OPCML: variants seen among roughly 807,000 people sequenced by gnomAD.
OPCML encodes the protein opioid binding protein/cell adhesion molecule like, also known as opioid-binding protein/cell adhesion molecule.
OPCML carries 13 observed loss-of-function variants against 37.8 expected under a neutral mutation model. The observed-to-expected ratio is 0.34, with a 90% CI of 0.22 to 0.55. The LOEUF (loss-of-function observed/expected upper bound fraction) is 0.55, where lower values mean the gene tolerates loss of function less well. OPCML is among the 20% of genes least tolerant of loss of function. The pLI is 0.91. For missense variants in OPCML, 341 were observed against 435.6 expected (o/e 0.78, Z 1.93); for synonymous variants, 176 against 168.8 (o/e 1.04, Z -0.33).
At chr11:133,339,538 G>A (rs1201397614) in intron 1 of OPCML, among the ~76,000 whole-genome samples, 1 of 152,110 alleles carries the variant, frequency 6.6e-6, no homozygotes, top group East Asian at 1.9e-4. Flanking sequence ...GCCTCATCAT[G>A]GTCTAGTAAA....
At chr11:133,245,040 G>A (rs1940870172) in intron 1 of OPCML, among the ~76,000 whole-genome samples, 1 of 152,184 alleles carries the variant, frequency 6.6e-6, no homozygotes. Flanking sequence ...GTTCCCAAAT[G>A]CCCATCTTCC....
chr11:133,461,005 A>C, intron 1 of OPCML, among the ~76,000 whole-genome samples: 1 of 151,932 alleles, frequency 6.6e-6, no homozygotes, highest in African/African-American at 2.4e-5. Flanking sequence ...ATTTCATTTG[A>C]GTCAGAAAAA....
chr11:133,223,821 A>C (rs1183357902), intron 1 of OPCML, among the ~76,000 whole-genome samples: 2 of 152,200 alleles, frequency 1.3e-5, no homozygotes, highest in Middle Eastern at 3.4e-3. Context: ...CGCTCTTGCC[A>C]TTTTATTTTT....
chr11:132,878,282 C>G (rs1943097357), intron 2 of OPCML, among the ~76,000 whole-genome samples: 1 of 152,140 alleles, frequency 6.6e-6, no homozygotes, highest in African/African-American at 2.4e-5. Flanking sequence ...GGGTGCTTAG[C>G]TATCTGGTTA....
chr11:133,224,180 C>G (rs1939945860), intron 1 of OPCML, among the ~76,000 whole-genome samples: 1 of 152,160 alleles, frequency 6.6e-6, no homozygotes, highest in Non-Finnish European at 1.5e-5. Context: ...CCATTAGTCC[C>G]CGAGCCAAAA....
At chr11:133,350,751 G>A (rs1441077824) in intron 1 of OPCML, among the ~76,000 whole-genome samples, 2 of 152,174 alleles carry the variant, frequency 1.3e-5, no homozygotes, top group Non-Finnish European at 2.9e-5. Context: ...TTTCTTTAAT[G>A]ACAATTGAAT....
At chr11:133,004,593 C>A in intron 1 of OPCML, 10 of 985,464 alleles carry the variant, frequency 1.0e-5, no homozygotes, top group Non-Finnish European at 1.2e-5. Flanking sequence ...CTGCTCCATG[C>A]GAAGGGTCTG....
At chr11:133,203,501 G>A (rs935734754) in intron 1 of OPCML, among the ~76,000 whole-genome samples, 4 of 152,150 alleles carry the variant, frequency 2.6e-5, no homozygotes, top group Admixed American at 1.3e-4. Flanking sequence ...TGTTCGCCTC[G>A]GAGGCTTTTG....
chr11:133,530,394 C>T (rs1948581083), intron 1 of OPCML, among the ~76,000 whole-genome samples: 1 of 152,250 alleles, frequency 6.6e-6, no homozygotes, highest in East Asian at 1.9e-4. Flanking sequence ...CGCATCCATA[C>T]AGCCAGGATT....
intron 1 of OPCML, among the ~76,000 whole-genome samples, chr11:133,414,918 G>T (rs1199564103): frequency 1.3e-5 from 2 of 152,102 alleles, no homozygotes; most frequent in Non-Finnish European, 1.5e-5. Context: ...TCTGTTGCTA[G>T]GAGTGATCAG....
At chr11:132,609,901 T>C (rs776239334) in intron 3 of OPCML, among the ~76,000 whole-genome samples, 19 of 152,228 alleles carry the variant, frequency 1.2e-4, no homozygotes, top group Non-Finnish European at 4.4e-5. Context: ...CTTTAGTGAA[T>C]GAGAATAAAG....
At chr11:132,622,793 G>A (rs1275832904) in intron 3 of OPCML, among the ~76,000 whole-genome samples, 2 of 152,182 alleles carry the variant, frequency 1.3e-5, no homozygotes, top group African/African-American at 2.4e-5. Flanking sequence ...GTCTTGTGTT[G>A]ATCCTGGTTG....
At chr11:132,621,183 T>A (rs1939386603) in intron 3 of OPCML, among the ~76,000 whole-genome samples, 3 of 152,328 alleles carry the variant, frequency 2.0e-5, no homozygotes, top group African/African-American at 7.2e-5. Context: ...GGATGCATCT[T>A]AAGTGAAACG....
chr11:133,037,701 C>T (rs879884513), intron 1 of OPCML, among the ~76,000 whole-genome samples: 39 of 152,188 alleles, frequency 2.6e-4, no homozygotes, highest in Non-Finnish European at 4.9e-4. Context: ...TGACTCATCA[C>T]CCTCTTGCGT....
intron 1 of OPCML, among the ~76,000 whole-genome samples, chr11:133,314,001 C>T (rs535334843): frequency 9.9e-5 from 15 of 151,768 alleles, no homozygotes; most frequent in Non-Finnish European, 2.1e-4. Flanking sequence ...TTTGGGAGGC[C>T]GAGGCGGGCG....
chr11:132,878,259 T>G, intron 2 of OPCML, among the ~76,000 whole-genome samples: 1 of 152,240 alleles, frequency 6.6e-6, no homozygotes, highest in East Asian at 1.9e-4. Flanking sequence ...TATGTCAATT[T>G]GATTGTGCCA....
At chr11:132,857,630 G>A (rs944600786) in intron 2 of OPCML, among the ~76,000 whole-genome samples, 4 of 152,060 alleles carry the variant, frequency 2.6e-5, no homozygotes, top group African/African-American at 9.7e-5. Context: ...CCAGATATAA[G>A]GCTGTAGCTG....
At chr11:132,709,506 CCTTTTTCCTAA>C (rs1301674514) in intron 2 of OPCML, among the ~76,000 whole-genome samples, 8 of 152,190 alleles carry the variant, frequency 5.3e-5, no homozygotes, top group African/African-American at 1.9e-4. Context: ...ATTTAGTTGT[CCTTTTTCCTAA>C]ATCTCCTCCA....
intron 3 of OPCML, among the ~76,000 whole-genome samples, chr11:132,626,434 T>C (rs1259506682): frequency 1.3e-5 from 2 of 152,102 alleles, no homozygotes; most frequent in Non-Finnish European, 2.9e-5. Flanking sequence ...ATAGGGAATT[T>C]GGAAACCACA....
Sources: allele counts gnomAD v4.1 joint callset (sites outside exome capture counted in the v4.1 genomes callset), GRCh38; gene constraint gnomAD v4.1.1; transcripts MANE v1.5; gene names NCBI Gene and HGNC (gene_info 2026-07-23, HGNC 2026-07-21).